Variants in PTPRD observed in about 807,000 individuals in gnomAD.
The protein encoded by PTPRD is receptor-type tyrosine-protein phosphatase delta.
A neutral mutation model predicts 214.5 loss-of-function variants in PTPRD; 34 were observed. That is an observed-to-expected ratio of 0.16 (90% CI 0.12 to 0.21). PTPRD has a LOEUF of 0.21. Ranked by LOEUF, PTPRD falls within the 10% of genes least tolerant of loss-of-function variation. The probability of loss-of-function intolerance (pLI) is 1.00; values close to 1 mark genes in which losing one functional copy is unlikely to be tolerated. For synonymous variants in PTPRD, 1,128 were observed against 845.7 expected, an observed-to-expected ratio of 1.33 and a Z score of -5.79; for missense variants, 2,545 against 2,398.7, an observed-to-expected ratio of 1.06 and a Z score of -1.27.
At chr9:8,892,991 T>G (rs1213570136) in intron 11 of PTPRD, among the ~76,000 whole-genome samples, 1 of 152,172 alleles carries the variant, frequency 6.6e-6, no homozygotes, top group Non-Finnish European at 1.5e-5. Context: ...GTTGGTGGAA[T>G]AGTTGAATCC....
At chr9:9,244,708 T>C (rs1263844813) in intron 9 of PTPRD, among the ~76,000 whole-genome samples, 2 of 152,050 alleles carry the variant, frequency 1.3e-5, no homozygotes, top group South Asian at 2.1e-4. Context: ...GGCAATACCA[T>C]TCAGGACATA....
rs538382233 is a variant in PTPRD, at chr9:9,265,230, T to A, written c.-202-81867A>T. ...TGAAAATAAATATAGCTACAATAAC[T>A]TGGTAATGAATATGCAATTTATTGA... On this transcript the variant is annotated intron_variant, in intron 9 of 45. Transcript: ENST00000381196. Among the ~76,000 whole-genome samples the A allele has an allele frequency of 2.3e-4, 35 of 151,712 alleles. 1 individual carries two copies. The South Asian group carries it at 6.6e-3, about 29-fold the overall frequency.
intron 5 of PTPRD, among the ~76,000 whole-genome samples, chr9:9,909,754 T>G (rs1281276283): frequency 6.6e-6 from 1 of 150,964 alleles, no homozygotes; most frequent in East Asian, 1.9e-4. Context: ...TGTGAGCCTT[T>G]GGGACATCAT....
At chr9:10,273,683 G>C (rs963995485) in intron 3 of PTPRD, among the ~76,000 whole-genome samples, 1 of 152,100 alleles carries the variant, frequency 6.6e-6, no homozygotes, top group Admixed American at 6.6e-5. Flanking sequence ...CCACTAAGAA[G>C]GGAATGGTGC....
intron 5 of PTPRD, among the ~76,000 whole-genome samples, chr9:9,806,733 C>T (rs1469596176): frequency 6.6e-6 from 1 of 152,184 alleles, no homozygotes; most frequent in Non-Finnish European, 1.5e-5. Flanking sequence ...TGATCAGCAG[C>T]TTCCCAAAAA....
intron 3 of PTPRD, among the ~76,000 whole-genome samples, chr9:10,105,610 C>T (rs1007358748): frequency 6.6e-6 from 1 of 151,802 alleles, no homozygotes; most frequent in Admixed American, 6.6e-5. Flanking sequence ...ATTTGCCCAT[C>T]TCTCACTCCC....
intron 8 of PTPRD, among the ~76,000 whole-genome samples, chr9:9,514,601 T>C (rs1172045941): frequency 2.0e-5 from 3 of 152,116 alleles, no homozygotes; most frequent in African/African-American, 4.8e-5. Flanking sequence ...TTATACTCCA[T>C]TTTTAGAAGA....
At chr9:8,845,175 A>ACC (rs2097663587) in intron 11 of PTPRD, among the ~76,000 whole-genome samples, 3 of 92,352 alleles carry the variant, frequency 3.2e-5, no homozygotes, top group Non-Finnish European at 6.9e-5. Context: ...AGGAAAAAAA[A>ACC]ACAAAAACAA....
intron 11 of PTPRD, among the ~76,000 whole-genome samples, chr9:8,825,631 C>T (rs902358929): frequency 1.3e-5 from 2 of 152,052 alleles, no homozygotes; most frequent in East Asian, 1.9e-4. Context: ...ATGGTGAGTT[C>T]GCAGTGTAAA....
intron 9 of PTPRD, among the ~76,000 whole-genome samples, chr9:9,198,308 G>C (rs760680478): frequency 3.9e-5 from 6 of 151,920 alleles, no homozygotes; most frequent in Non-Finnish European, 8.8e-5. Context: ...ACCAAACTTA[G>C]AAAATAAGTT....
intron 7 of PTPRD, among the ~76,000 whole-genome samples, chr9:9,689,189 T>C (rs541538297): frequency 8.6e-5 from 13 of 151,800 alleles, no homozygotes; most frequent in Non-Finnish European, 1.6e-4. Context: ...AGAGACTACT[T>C]ATTTAGCTTT....
chr9:9,049,413 G>C (rs975416708), intron 10 of PTPRD, among the ~76,000 whole-genome samples: 1 of 152,096 alleles, frequency 6.6e-6, no homozygotes, highest in African/African-American at 2.4e-5. Context: ...CTCTTTATTT[G>C]AAGACAGGAC....
At chr9:8,809,088 G>A (rs2154521955) in intron 11 of PTPRD, among the ~76,000 whole-genome samples, 1 of 152,214 alleles carries the variant, frequency 6.6e-6, no homozygotes, top group East Asian at 1.9e-4. Context: ...CAAGCTAGTT[G>A]TTACACCACT....
intron 9 of PTPRD, among the ~76,000 whole-genome samples, chr9:9,382,995 T>A (rs2062789427): frequency 6.6e-6 from 1 of 152,024 alleles, no homozygotes; most frequent in Non-Finnish European, 1.5e-5. Context: ...GAAAATCTTG[T>A]CATTTGCAAC....
At chr9:8,492,550 G>T (rs2097171456) in intron 27 of PTPRD, among the ~76,000 whole-genome samples, 1 of 142,154 alleles carries the variant, frequency 7.0e-6, no homozygotes. Flanking sequence ...GTAGATTCTT[G>T]TTCTGTTTTG....
chr9:10,327,171 G>GTGTATATATA (rs71485326), intron 3 of PTPRD, among the ~76,000 whole-genome samples: 63 of 142,906 alleles, frequency 4.4e-4, no homozygotes, highest in African/African-American at 1.1e-3. Context: ...ATATGTGTGT[G>GTGTATATATA]TATATATATA....
intron 11 of PTPRD, among the ~76,000 whole-genome samples, chr9:8,897,694 A>C (rs959746979): frequency 1.3e-5 from 2 of 152,208 alleles, no homozygotes; most frequent in Non-Finnish European, 2.9e-5. Flanking sequence ...GGCCAGAAGT[A>C]AAGAGCCTCC....
chr9:9,784,215 C>A (rs543795284), intron 5 of PTPRD, among the ~76,000 whole-genome samples: 7 of 151,918 alleles, frequency 4.6e-5, no homozygotes, highest in African/African-American at 7.2e-5. Context: ...TTAGGAAGAG[C>A]TGTACAAAGG....
intron 3 of PTPRD, among the ~76,000 whole-genome samples, chr9:10,077,926 A>G (rs1176745165): frequency 1.3e-5 from 2 of 151,892 alleles, no homozygotes. Context: ...CCATAATGTT[A>G]GTATTACTAT....
Sources: gnomAD v4.1 joint callset for allele counts (sites outside exome capture counted in the v4.1 genomes callset) on GRCh38, gnomAD v4.1.1 for gene constraint, MANE v1.5 for transcripts, NCBI Gene and HGNC (gene_info 2026-07-23, HGNC 2026-07-21) for gene names.